The following SLC71A1 variants were observed in gnomAD, a reference collection of about 807,000 sequenced individuals.
The protein encoded by SLC71A1 is solute carrier family 71 member 1, also known as hippocampus abundant gene transcript 1.
At chr1:100,062,363 C>T in the SLC71A1 span, among the ~76,000 whole-genome samples, 1 of 152,178 alleles carries the variant, frequency 6.6e-6, no homozygotes, top group South Asian at 2.1e-4. Context: ...CACGTACAGT[C>T]TCTGTCTCAT....
the SLC71A1 span, among the ~76,000 whole-genome samples, chr1:100,065,459 CTT>C: frequency 7.1e-6 from 1 of 140,180 alleles, no homozygotes; most frequent in Non-Finnish European, 1.7e-5. Flanking sequence ...TTCCCTTCCC[CTT>C]TCCTTTCCTT....
the SLC71A1 span, chr1:100,058,629 A>G: frequency 9.3e-7 from 1 of 1,072,878 alleles, no homozygotes; most frequent in Admixed American, 1.8e-5. Flanking sequence ...AGACTGAAAT[A>G]TAGCATGTGA....
the SLC71A1 span, among the ~76,000 whole-genome samples, chr1:100,039,882 T>C: frequency 6.6e-6 from 1 of 152,242 alleles, no homozygotes; most frequent in Admixed American, 6.5e-5. Context: ...TTTGTTTGAT[T>C]TGCTTTACAG....
chr1:100,063,266 AAAACAAAAC>A, the SLC71A1 span, among the ~76,000 whole-genome samples: 60 of 93,132 alleles, frequency 6.4e-4, no homozygotes, highest in African/African-American at 2.2e-3. Context: ...GTTCTGGCAA[AAAACAAAAC>A]AAAACAAAAC....
At chr1:100,074,812 T>A in the SLC71A1 span, among the ~76,000 whole-genome samples, 1 of 151,902 alleles carries the variant, frequency 6.6e-6, no homozygotes, top group Non-Finnish European at 1.5e-5. Flanking sequence ...GAGGCAGAGG[T>A]GGCAGTGAGC....
chr1:100,065,846 C>T, the SLC71A1 span, among the ~76,000 whole-genome samples: 1 of 150,404 alleles, frequency 6.6e-6, no homozygotes, highest in Admixed American at 6.7e-5. Flanking sequence ...TTTCCCTTTG[C>T]TTTCCTTTCC....
At chr1:100,057,445 T>C in the SLC71A1 span, among the ~76,000 whole-genome samples, 1 of 150,588 alleles carries the variant, frequency 6.6e-6, no homozygotes, top group Non-Finnish European at 1.5e-5. Context: ...ACCTCTGCCC[T>C]CCGGGTTTAA....
the SLC71A1 span, chr1:100,043,371 G>T: frequency 2.3e-5 from 4 of 174,534 alleles, no homozygotes; most frequent in African/African-American, 9.6e-5. Flanking sequence ...GATGAATATG[G>T]GTATAATATA....
At chr1:100,068,374 C>G in the SLC71A1 span, 1 of 935,378 alleles carries the variant, frequency 1.1e-6, no homozygotes. Context: ...ACTAGTTGTC[C>G]ATGAGTACAC....
the SLC71A1 span, among the ~76,000 whole-genome samples, chr1:100,051,140 C>T: frequency 2.0e-5 from 3 of 150,726 alleles, no homozygotes; most frequent in Admixed American, 2.0e-4. Flanking sequence ...CACCTGTAAT[C>T]CCAGTACTTT....
the SLC71A1 span, among the ~76,000 whole-genome samples, chr1:100,038,926 C>T: frequency 2.1e-4 from 32 of 152,248 alleles, no homozygotes; most frequent in Admixed American, 4.6e-4. Context: ...TGACGGCAGA[C>T]ACCTGGGGCC....
chr1:100,053,734 C>T, the SLC71A1 span, among the ~76,000 whole-genome samples: 1 of 152,120 alleles, frequency 6.6e-6, no homozygotes, highest in Non-Finnish European at 1.5e-5. Context: ...CTTTTAAGCC[C>T]TCATAGAACA....
the SLC71A1 span, chr1:100,080,628 C>T: frequency 1.2e-6 from 2 of 1,613,994 alleles, no homozygotes; most frequent in South Asian, 1.1e-5. Context: ...GACTTGGGAA[C>T]AAACACAAGC....
At chr1:100,057,330 G>A in the SLC71A1 span, among the ~76,000 whole-genome samples, 218 of 150,070 alleles carry the variant, frequency 1.5e-3, no homozygotes, top group African/African-American at 5.2e-3. Context: ...TACAGTCTGC[G>A]ACTGTTTTTT....
the SLC71A1 span, among the ~76,000 whole-genome samples, chr1:100,077,571 A>G: frequency 2.0e-5 from 3 of 152,242 alleles, no homozygotes; most frequent in Non-Finnish European, 4.4e-5. Context: ...TTACTAGGAA[A>G]AAGTATGTAA....
At chr1:100,072,631 A>G in the SLC71A1 span, among the ~76,000 whole-genome samples, 4 of 152,058 alleles carry the variant, frequency 2.6e-5, no homozygotes, top group Non-Finnish European at 5.9e-5. Context: ...AAAATTGGGA[A>G]GTGTTACGTG....
the SLC71A1 span, chr1:100,079,875 CA>C: frequency 1.8e-4 from 27 of 148,226 alleles, no homozygotes; most frequent in East Asian, 3.9e-4. Context: ...AACTCCGTCT[CA>C]AAAAAAAAAG....
At chr1:100,064,107 A>G in the SLC71A1 span, among the ~76,000 whole-genome samples, 86 of 151,876 alleles carry the variant, frequency 5.7e-4, no homozygotes, top group Middle Eastern at 3.4e-3. Flanking sequence ...ATTTATATGT[A>G]TGTGTGTGTG....
the SLC71A1 span, among the ~76,000 whole-genome samples, chr1:100,052,094 C>CCA: frequency 6.6e-6 from 1 of 151,970 alleles, no homozygotes; most frequent in Non-Finnish European, 1.5e-5. Flanking sequence ...TTGTTTGTAC[C>CCA]CATGTTTTAG....
Sources: gnomAD v4.1 joint callset for allele counts (sites outside exome capture counted in the v4.1 genomes callset) on GRCh38, gnomAD v4.1.1 for gene constraint, MANE v1.5 for transcripts, NCBI Gene and HGNC (gene_info 2026-07-23, HGNC 2026-07-21) for gene names.